TRHDE: variants seen among roughly 807,000 people sequenced by gnomAD.
The protein encoded by TRHDE is thyrotropin-releasing hormone-degrading ectoenzyme.
In TRHDE, 72 loss-of-function variants were observed where a neutral mutation model predicts 125.7. The observed-to-expected ratio is 0.57, with a 90% CI of 0.47 to 0.70. The LOEUF is 0.70. Among genes scored for constraint, TRHDE ranks in the 30% least tolerant of loss-of-function variants. TRHDE has a pLI of 0.00. For synonymous variants in TRHDE, 509 were observed against 509.1 expected (o/e 1.00, Z 0.00); for missense variants, 1,110 against 1,327.1 (o/e 0.84, Z 2.54).
chr12:72,272,034 T>C (rs1359708528), upstream of TRHDE: 6 of 457,092 alleles, frequency 1.3e-5, no homozygotes, highest in Non-Finnish European at 2.6e-5. This position sits in a 1 kb window ranked among gnomAD's most constrained non-coding sequence, Gnocchi z 6.7. Context: ...GCTGGTTCAC[T>C]CTAGTCTCTC....
intron 1 of TRHDE, among the ~76,000 whole-genome samples, chr12:72,100,762 T>C (rs910144849): frequency 1.1e-4 from 17 of 152,240 alleles, no homozygotes; most frequent in Non-Finnish European, 2.2e-4. Flanking sequence ...CCAGTCATTC[T>C]ACCAAAGTGA....
In TRHDE at chr12:72,115,316, G is replaced by A. The variant is rs576827716; in HGVS notation, n.279+9564G>A. Among the ~76,000 whole-genome samples the A allele has an allele frequency of 9.6e-4, 134 of 139,772 alleles. 3 individuals are homozygous for A. In the East Asian group the frequency reaches 0.015, roughly 16 times the overall value. The allele number at this position is 139,772 out of a possible 152,430, so 91.7% of individuals were successfully genotyped here. On this transcript the variant is annotated intron_variant and non_coding_transcript_variant, in intron 2 of 4. Coordinates refer to the TRHDE transcript ENST00000548156. ...ATGTGAAGTTTGTCTTTCTGTGCCTGGCTTATTTCACTTAACATAATGACC... is the reference window on the plus strand; with the variant it reads ...ATGTGAAGTTTGTCTTTCTGTGCCTAGCTTATTTCACTTAACATAATGACC...
chr12:72,255,258 C>CATA (rs1320070142), intron 2 of TRHDE: 7 of 152,182 alleles, frequency 4.6e-5, no homozygotes, highest in African/African-American at 1.7e-4. Context: ...CAGAAGAGAT[C>CATA]ATCATCACTG....
intron 5 of TRHDE, among the ~76,000 whole-genome samples, chr12:72,491,135 C>G (rs1396757241): frequency 6.6e-6 from 1 of 151,476 alleles, no homozygotes; most frequent in East Asian, 1.9e-4. Flanking sequence ...AAAAAGAATA[C>G]AATCAATTCA....
intron 12 of TRHDE, among the ~76,000 whole-genome samples, chr12:72,591,992 T>C (rs1167069629): frequency 6.6e-6 from 1 of 152,112 alleles, no homozygotes; most frequent in African/African-American, 2.4e-5. Context: ...CTGTATGGTA[T>C]TTGTTTAGCA....
chr12:72,480,960 G>A (rs992042183), intron 5 of TRHDE, among the ~76,000 whole-genome samples: 1 of 151,858 alleles, frequency 6.6e-6, no homozygotes, highest in African/African-American at 2.4e-5. Context: ...TGGTAAAAAC[G>A]TTATTCTCTT....
chr12:72,527,534 T>C (rs959199007), intron 6 of TRHDE, among the ~76,000 whole-genome samples: 14 of 151,632 alleles, frequency 9.2e-5, no homozygotes, highest in African/African-American at 2.9e-4. Context: ...CAGATAACTC[T>C]TTTCGCAGTC....
chr12:72,444,910 A>G (rs540862732), intron 3 of TRHDE, among the ~76,000 whole-genome samples: 1 of 151,968 alleles, frequency 6.6e-6, no homozygotes, highest in Admixed American at 6.6e-5. Flanking sequence ...GTAGCAGAGT[A>G]GTAAGCAGTT....
At chr12:72,525,601 TTGTGTGTGTGTGTGTGTG>T in intron 6 of TRHDE, among the ~76,000 whole-genome samples, 2 of 127,716 alleles carry the variant, frequency 1.6e-5, no homozygotes, top group South Asian at 5.0e-4. Context: ...TGTGTGTGGT[TTGTGTGTGTGTGTGTGTG>T]TGTGTGTGTG....
intron 2 of TRHDE, among the ~76,000 whole-genome samples, chr12:72,364,118 A>G (rs1047348375): frequency 6.6e-6 from 1 of 152,096 alleles, no homozygotes; most frequent in African/African-American, 2.4e-5. Context: ...AATGAAATAA[A>G]AGAGGATACA....
At chr12:72,564,564 G>A (rs1870339430) in intron 9 of TRHDE, among the ~76,000 whole-genome samples, 1 of 150,926 alleles carries the variant, frequency 6.6e-6, no homozygotes, top group South Asian at 2.1e-4. Flanking sequence ...TTCTTTAAAG[G>A]AAGAATTTCT....
chr12:72,435,640 A>ATTT lies in TRHDE; in HGVS notation c.1316-34104_1316-34102dup, dbSNP rs1246330658. Among the ~76,000 whole-genome samples, 55 of 139,072 alleles carry ATTT rather than the reference A, an allele frequency of 4.0e-4. 1 individual carries two copies. Among genetic ancestry groups the ATTT allele is most frequent in the South Asian group, 1.4e-3 (6 of 4,416 alleles). 91.2% of individuals were successfully genotyped at this position (139,072 alleles called of 152,430 possible). A position where few individuals can be genotyped will look rare whatever the true frequency, so the allele number is the denominator to read the frequency against. On this transcript the variant is annotated intron_variant, in intron 3 of 18. Coordinates refer to ENST00000261180, the MANE Select transcript of TRHDE (RefSeq NM_013381.3). ...GAATGAAAATAGATCCCAGGCTGGG[A>ATTT]TTTTTTTTTTTTTTTTGTCAGAGTT...
At chr12:72,581,927 C>A (rs1050620640) in intron 12 of TRHDE, among the ~76,000 whole-genome samples, 9 of 151,388 alleles carry the variant, frequency 5.9e-5, no homozygotes, top group East Asian at 3.9e-4. Context: ...ATGGTGAAAC[C>A]CCATCTCTAC....
At chr12:72,499,735 T>A in intron 6 of TRHDE, 100 bp downstream of exon 6, 1 of 1,292,994 alleles carries the variant, frequency 7.7e-7, no homozygotes, top group Non-Finnish European at 1.1e-6. Flanking sequence ...TCCGGGCAGA[T>A]AGACATAGAC....
intron 2 of TRHDE, among the ~76,000 whole-genome samples, chr12:72,173,152 A>G (rs1407613494): frequency 1.3e-5 from 2 of 152,230 alleles, no homozygotes; most frequent in Non-Finnish European, 2.9e-5. Flanking sequence ...ATAATAAAAT[A>G]ATGCCTTCAG....
intron 2 of TRHDE, among the ~76,000 whole-genome samples, chr12:72,294,481 T>A (rs1225633485): frequency 6.6e-6 from 1 of 152,088 alleles, no homozygotes; most frequent in Non-Finnish European, 1.5e-5. Flanking sequence ...TCCCGTTGCT[T>A]GTGCAGCTTT....
At chr12:72,355,124 C>A (rs923192283) in intron 2 of TRHDE, among the ~76,000 whole-genome samples, 7 of 151,396 alleles carry the variant, frequency 4.6e-5, no homozygotes, top group Non-Finnish European at 1.0e-4. Context: ...AATAATCACA[C>A]AACAAAAGGG....
chr12:72,294,083 C>T (rs1248879460), intron 2 of TRHDE, among the ~76,000 whole-genome samples: 1 of 152,142 alleles, frequency 6.6e-6, no homozygotes, highest in East Asian at 1.9e-4. Flanking sequence ...ACCACAGGGC[C>T]CCAAAGAGGG....
rs187760532 is a variant in TRHDE, at chr12:72,419,248, C to T, written c.1315+41127C>T. ...ACTGGTCTATTTATCCAGGAAGTTT[C>T]TTGTTGAAGTTGCTAGAGAAAAAAT... is the stretch of plus-strand genomic sequence containing the variant. On this transcript the variant is annotated intron_variant, in intron 3 of 18. Coordinates refer to ENST00000261180, the MANE Select transcript of TRHDE (RefSeq NM_013381.3). 2.0e-3 allele frequency among the ~76,000 whole-genome samples: 308 copies of T among 152,150 alleles called. 3 individuals carry two copies. In the Middle Eastern group the frequency reaches 0.045, roughly 22 times the overall value.
Sources: gnomAD v4.1 joint callset for allele counts (sites outside exome capture counted in the v4.1 genomes callset) on GRCh38, gnomAD v4.1.1 for gene constraint, Gnocchi (gnomAD v3.1) non-coding constraint, MANE v1.5 for transcripts, NCBI Gene and HGNC (gene_info 2026-07-23, HGNC 2026-07-21) for gene names.